Variants in ATP10B observed in about 807,000 individuals in gnomAD.
ATP10B encodes the protein phospholipid-transporting ATPase VB.
Under a neutral mutation model 141.2 loss-of-function variants are expected in ATP10B, and 122 were observed. The observed-to-expected ratio is 0.86, with a 90% CI of 0.75 to 1.00. The LOEUF (loss-of-function observed/expected upper bound fraction) is 1.00. Ranked by LOEUF, ATP10B falls within the 50% of genes least tolerant of loss-of-function variation. The pLI is 0.00. For synonymous variants in ATP10B, 685 were observed against 692.0 expected (o/e 0.99, Z 0.16); for missense variants, 1,876 against 1,825.3 (o/e 1.03, Z -0.51).
intron 15 of ATP10B, among the ~76,000 whole-genome samples, chr5:160,619,163 T>C (rs2127646542): frequency 6.6e-6 from 1 of 152,356 alleles, no homozygotes; most frequent in African/African-American, 2.4e-5. Flanking sequence ...AGATTAAACC[T>C]GTTTGTCTTT....
intron 2 of ATP10B, among the ~76,000 whole-genome samples, chr5:160,747,902 C>T (rs1767907052): frequency 6.6e-6 from 1 of 151,586 alleles, no homozygotes; most frequent in Non-Finnish European, 1.5e-5. Context: ...TGTCATCCTT[C>T]TCCCTGTTTG....
At chr5:160,709,590 A>G (rs1463076870) in intron 3 of ATP10B, among the ~76,000 whole-genome samples, 13 of 140,822 alleles carry the variant, frequency 9.2e-5, no homozygotes, top group Admixed American at 8.8e-4. Context: ...ACTTTCATAA[A>G]CAAATTTTTT....
At chr5:160,596,201 A>G (rs897375594) in intron 22 of ATP10B, among the ~76,000 whole-genome samples, 54 of 152,236 alleles carry the variant, frequency 3.5e-4, no homozygotes, top group African/African-American at 1.2e-3. Context: ...ACCATGATCA[A>G]GTTGGCCTCA....
chr5:160,731,917 C>T (rs935164901), intron 2 of ATP10B, among the ~76,000 whole-genome samples: 2 of 152,132 alleles, frequency 1.3e-5, no homozygotes, highest in African/African-American at 4.8e-5. Flanking sequence ...ATCCTACAGT[C>T]TTTATAGGAA....
At chr5:160,827,650 A>G (rs1774732604) in intron 1 of ATP10B, among the ~76,000 whole-genome samples, 1 of 152,178 alleles carries the variant, frequency 6.6e-6, no homozygotes, top group South Asian at 2.1e-4. Flanking sequence ...ATTCTTTGCC[A>G]AAGCCAATGT....
intron 2 of ATP10B, among the ~76,000 whole-genome samples, chr5:160,752,200 A>T (rs1195953904): frequency 6.6e-6 from 1 of 150,422 alleles, no homozygotes; most frequent in Admixed American, 6.6e-5. Flanking sequence ...TTTTTCAGGA[A>T]AAACAAAAAC....
chr5:160,863,484 C>T, the ATP10B span, among the ~76,000 whole-genome samples: 9 of 152,084 alleles, frequency 5.9e-5, no homozygotes, highest in African/African-American at 2.2e-4. Context: ...AAGTTCATAG[C>T]ATTAAATGCC....
In ATP10B at chr5:160,602,619, C is replaced by T. The variant is rs376273438; in HGVS notation, c.3321G>A (p.Ser1107=). 42 of 1,613,966 alleles carry T rather than the reference C, an allele frequency of 2.6e-5. No individual in the cohort carries two copies. In the Middle Eastern group the frequency reaches 5.0e-4, roughly 19 times the overall value. Residue 1107 remains serine (S), a synonymous_variant, in exon 21 of 26, where the codon TCG becomes TCA. Transcript: ENST00000327245. ...LLLVHGHWCY[S]RLARMVVYYL... ...AGTACACCACCATCCTGGCCAGGCG[C>T]GAGTAACACCAGTGGCCATGCACGA...
At chr5:160,605,074 AC>A (rs1308814236) in intron 19 of ATP10B, among the ~76,000 whole-genome samples, 1 of 152,238 alleles carries the variant, frequency 6.6e-6, no homozygotes, top group Non-Finnish European at 1.5e-5. Flanking sequence ...TAGTATCCAT[AC>A]AAAAACATGC....
chr5:160,708,239 G>A (rs1765133405), intron 3 of ATP10B, among the ~76,000 whole-genome samples: 2 of 151,918 alleles, frequency 1.3e-5, no homozygotes, highest in African/African-American at 4.8e-5. Context: ...TCTTTCTGAG[G>A]GTATTTTGGC....
rs138060527 is a variant in ATP10B, at chr5:160,687,701, G to T, written c.275+99C>A. ...ATTCCCTTGAACCCAGGAGGTGAAG[G>T]TTGCAGTGAGCCGAGATTGCACGAC... On this transcript the variant is annotated intron_variant, in intron 5 of 25. Coordinates refer to ENST00000327245, the MANE Select transcript of ATP10B (RefSeq NM_025153.3). 219 of 1,346,282 alleles carry T rather than the reference G, an allele frequency of 1.6e-4. No individual in the cohort carries two copies. In the African/African-American group the frequency reaches 2.7e-3, roughly 17 times the overall value. 83.4% of individuals were successfully genotyped at this position (1,346,282 alleles called of 1,614,324 possible). A position where few individuals can be genotyped will look rare whatever the true frequency, so the allele number is the denominator to read the frequency against.
chr5:160,828,534 A>C (rs558356585), intron 1 of ATP10B, among the ~76,000 whole-genome samples: 1 of 151,898 alleles, frequency 6.6e-6, no homozygotes, highest in African/African-American at 2.4e-5. Flanking sequence ...TTAGAATGGC[A>C]ATCATTAAAA....
chr5:160,874,580 T>G, the ATP10B span, among the ~76,000 whole-genome samples: 2 of 152,074 alleles, frequency 1.3e-5, no homozygotes. Context: ...ATGATCAAAT[T>G]ACTCTGAGCT....
chr5:160,817,779 T>C (rs756673475), intron 1 of ATP10B, among the ~76,000 whole-genome samples: 6 of 152,188 alleles, frequency 3.9e-5, no homozygotes, highest in African/African-American at 7.2e-5. Context: ...CAAAACAGCA[T>C]GGTACTGGTA....
intron 24 of ATP10B, among the ~76,000 whole-genome samples, chr5:160,571,401 T>C (rs1011943957): frequency 2.0e-5 from 3 of 152,230 alleles, no homozygotes; most frequent in Admixed American, 1.3e-4. Context: ...ATTTTTCAAA[T>C]CTGCTAGGTT....
intron 1 of ATP10B, among the ~76,000 whole-genome samples, chr5:160,817,902 G>C (rs1051155529): frequency 6.6e-6 from 1 of 152,170 alleles, no homozygotes; most frequent in Non-Finnish European, 1.5e-5. Context: ...ATGCAGAAAC[G>C]ATTCCCTATT....
rs186328459 is a variant in ATP10B, at chr5:160,593,781, C to T, written c.3565-2642G>A. On this transcript the variant is annotated intron_variant, in intron 22 of 25. Coordinates refer to ENST00000327245, the MANE Select transcript of ATP10B (RefSeq NM_025153.3). Reference sequence around the variant, plus strand: ...TGAAGAATGCAGAAGCCTCAGGAGCCGATGTGATCAACTTGAAATGAATGA... The same window carrying T: ...TGAAGAATGCAGAAGCCTCAGGAGCTGATGTGATCAACTTGAAATGAATGA... Among the ~76,000 whole-genome samples the T allele has an allele frequency of 1.1e-3, 174 of 151,922 alleles. 1 individual carries two copies. The highest frequency in any genetic ancestry group is 1.5e-3 in the Non-Finnish European group (103 of 67,924).
intron 1 of ATP10B, among the ~76,000 whole-genome samples, chr5:160,824,310 C>G (rs566513777): frequency 6.6e-6 from 1 of 152,244 alleles, no homozygotes; most frequent in South Asian, 2.1e-4. Context: ...GCCACTGCAC[C>G]CAACCCCACA....
chr5:160,831,523 T>C (rs766657433), intron 1 of ATP10B, among the ~76,000 whole-genome samples: 82 of 152,052 alleles, frequency 5.4e-4, no homozygotes, highest in Non-Finnish European at 2.8e-4. Flanking sequence ...GAAGGTCAAG[T>C]AGGTTCAATA....
Sources: allele counts gnomAD v4.1 joint callset (sites outside exome capture counted in the v4.1 genomes callset), GRCh38; gene constraint gnomAD v4.1.1; transcripts MANE v1.5; gene names NCBI Gene and HGNC (gene_info 2026-07-23, HGNC 2026-07-21).